TGFB3: variants seen among roughly 807,000 people sequenced by gnomAD.
TGFB3 encodes the protein transforming growth factor beta 3.
A neutral mutation model predicts 40.1 loss-of-function variants in TGFB3; 5 were observed. That is an observed-to-expected ratio of 0.12 (90% CI 0.07 to 0.26). The LOEUF (loss-of-function observed/expected upper bound fraction) is 0.26, where lower values mean the gene tolerates loss of function less well. Among genes scored for constraint, TGFB3 ranks in the 10% least tolerant of loss-of-function variants. The pLI is 1.00. For missense variants in TGFB3, 373 were observed against 530.1 expected (o/e 0.70, Z 2.91); for synonymous variants, 184 against 205.6 (o/e 0.89, Z 0.90).
chr14:75,967,289 C>A (rs912957483), intron 3 of TGFB3, among the ~76,000 whole-genome samples: 2 of 152,200 alleles, frequency 1.3e-5, no homozygotes, highest in Non-Finnish European at 2.9e-5. Flanking sequence ...AGGCACACTG[C>A]GCCTGCTGAG....
chr14:75,976,788 G>A (rs539244030), intron 1 of TGFB3, among the ~76,000 whole-genome samples: 62 of 152,208 alleles, frequency 4.1e-4, no homozygotes, highest in African/African-American at 1.4e-3. Context: ...TTATCATGAC[G>A]CCGTGGCTTT....
chr14:75,973,524 G>A (rs2035318147), intron 1 of TGFB3, among the ~76,000 whole-genome samples: 1 of 152,252 alleles, frequency 6.6e-6, no homozygotes, highest in Non-Finnish European at 1.5e-5. Context: ...TAAGTAATGT[G>A]TAAGTTTACA....
chr14:75,967,610 G>A (rs188522819), intron 3 of TGFB3, among the ~76,000 whole-genome samples: 40 of 152,338 alleles, frequency 2.6e-4, no homozygotes, highest in African/African-American at 8.7e-4. Flanking sequence ...GGTCCAGGAT[G>A]TAAGCACAAG....
chr14:75,973,459 C>T (rs1251552272), intron 1 of TGFB3, among the ~76,000 whole-genome samples: 1 of 152,220 alleles, frequency 6.6e-6, no homozygotes, highest in East Asian at 1.9e-4. Flanking sequence ...ACAGATACTG[C>T]CAACGATTCC....
At chr14:75,977,046 G>T (rs1004680307) in intron 1 of TGFB3, among the ~76,000 whole-genome samples, 1 of 152,228 alleles carries the variant, frequency 6.6e-6, no homozygotes. Context: ...TTGGAGAAGT[G>T]CTGACCTCTA....
At chr14:75,959,404 G>C in intron 6 of TGFB3, 59 bp from the exon 7 acceptor site, 2 of 1,607,612 alleles carry the variant, frequency 1.2e-6, no homozygotes, top group Admixed American at 1.7e-5. Flanking sequence ...TGGAACCCAG[G>C]AAGTCGCCCA....
intron 6 of TGFB3, chr14:75,960,269 A>G (rs1410735580): frequency 6.5e-6 from 1 of 152,886 alleles, no homozygotes; most frequent in Admixed American, 6.5e-5. Flanking sequence ...AAACACTTAC[A>G]TTGCTCTTCC....
At position 75,959,080 on chromosome 14, in the gene TGFB3, G is replaced by T; in HGVS notation, c.*107C>A. 7.0e-7 allele frequency: 1 copy of T among 1,434,320 alleles called. No individual in the cohort carries two copies. The highest frequency in any genetic ancestry group is 9.8e-7 in the Non-Finnish European group (1 of 1,019,518). The allele number at this position is 1,434,320 out of a possible 1,614,324, so 88.8% of individuals were successfully genotyped here. A position where few individuals can be genotyped will look rare whatever the true frequency, so the allele number is the denominator to read the frequency against. ...AGCCATTTGCCCGGAGCCGAAGGTT[G>T]TGGGCTCCAGGCCTCTCAGTGAGGT... On this transcript the variant is annotated 3_prime_UTR_variant, in exon 7 of 7. Coordinates refer to ENST00000238682, the MANE Select transcript of TGFB3 (RefSeq NM_003239.5).
At chr14:75,970,289 G>A (rs1181895453) in intron 3 of TGFB3, among the ~76,000 whole-genome samples, 1 of 152,150 alleles carries the variant, frequency 6.6e-6, no homozygotes, top group African/African-American at 2.4e-5. Context: ...TGGGCATGCT[G>A]GCTCACATCT....
intron 1 of TGFB3, among the ~76,000 whole-genome samples, chr14:75,975,264 A>G (rs973060868): frequency 1.3e-5 from 2 of 152,154 alleles, no homozygotes; most frequent in African/African-American, 4.8e-5. Context: ...GCTACTCGGG[A>G]GGCTGAGGCA....
intron 1 of TGFB3, among the ~76,000 whole-genome samples, chr14:75,972,166 T>C (rs1395661022): frequency 6.6e-6 from 1 of 152,222 alleles, no homozygotes; most frequent in East Asian, 1.9e-4. Flanking sequence ...GCAGCTACTA[T>C]ATGCCAAGCA....
chr14:75,972,331 T>C (rs1330216892), intron 1 of TGFB3, among the ~76,000 whole-genome samples: 1 of 152,184 alleles, frequency 6.6e-6, no homozygotes, highest in Non-Finnish European at 1.5e-5. Context: ...AGGTCTGATT[T>C]CAAAATTCAA....
chr14:75,975,879 A>C (rs1006794166), intron 1 of TGFB3, among the ~76,000 whole-genome samples: 4 of 152,224 alleles, frequency 2.6e-5, no homozygotes, highest in African/African-American at 9.6e-5. Flanking sequence ...TGTGGTTCTT[A>C]AGCCATGCCT....
At position 75,971,383 on chromosome 14, in the gene TGFB3, A is replaced by G. The variant is rs2035289870; in HGVS notation, c.517-128T>C. 2 of 1,522,352 alleles carry G rather than the reference A, an allele frequency of 1.3e-6. No individual in the cohort carries two copies. Among genetic ancestry groups the G allele is most frequent in the Non-Finnish European group, 1.8e-6 (2 of 1,113,966 alleles). The allele number at this position is 1,522,352 out of a possible 1,614,324, so 94.3% of individuals were successfully genotyped here. On this transcript the variant is annotated intron_variant, in intron 2 of 6. Coordinates refer to ENST00000238682, the MANE Select transcript of TGFB3 (RefSeq NM_003239.5). The surrounding 1 kb of genome is among the most constrained non-coding windows in gnomAD (Gnocchi z 4.5). ...TTCCTGAATGCCATGGCCCTCGAGC[A>G]CCTTAGCTAACTCTTAAGTGTTTTA...
Position 75,971,370 on chromosome 14 carries a change from A to G in TGFB3, c.517-115T>C, listed in dbSNP as rs2035289702. On this transcript the variant is annotated intron_variant, in intron 2 of 6. Transcript: ENST00000238682. This position sits in a 1 kb window ranked among gnomAD's most constrained non-coding sequence, Gnocchi z 4.5. ...AGGAAACCAGTGGTTCCTGAATGCC[A>G]TGGCCCTCGAGCACCTTAGCTAACT... The G allele has an allele frequency of 6.4e-7, 1 of 1,557,370 alleles. No individual in the cohort carries two copies. Among genetic ancestry groups the G allele is most frequent in the Non-Finnish European group, 8.8e-7 (1 of 1,140,260 alleles).
chr14:75,971,812 G>A lies in TGFB3; in HGVS notation c.353-94C>T, dbSNP rs1004408837. ...ACAGGCACCAAGTGGCCACCGTCCCGCCTGCCACCTCCCTAGAGGCTTGAG... is the reference window on the plus strand; with the variant it reads ...ACAGGCACCAAGTGGCCACCGTCCCACCTGCCACCTCCCTAGAGGCTTGAG... On this transcript the variant is annotated intron_variant, in intron 1 of 6. Coordinates refer to ENST00000238682, the MANE Select transcript of TGFB3 (RefSeq NM_003239.5). This position sits in a 1 kb window ranked among gnomAD's most constrained non-coding sequence, Gnocchi z 4.5. 40 of 1,414,378 alleles carry A rather than the reference G, an allele frequency of 2.8e-5. No individual in the cohort carries two copies. Among genetic ancestry groups the A allele is most frequent in the Non-Finnish European group, 3.4e-5 (35 of 1,016,826 alleles). 87.6% of individuals were successfully genotyped at this position (1,414,378 alleles called of 1,614,324 possible).
At chr14:75,964,254 C>G (rs145048633) in intron 4 of TGFB3, among the ~76,000 whole-genome samples, 1 of 152,064 alleles carries the variant, frequency 6.6e-6, no homozygotes, top group African/African-American at 2.4e-5. Flanking sequence ...ACCAAGATAA[C>G]GCAGAAGTCC....
In TGFB3 at chr14:75,974,764, C is replaced by CAAA. The variant is rs763057157; in HGVS notation, c.353-3049_353-3047dup. ...TGGGCAACAGAGTGAGACTCCATCT[C>CAAA]AAAAAAAAAAAAAAAAAGAAGAAGA... On this transcript the variant is annotated intron_variant, in intron 1 of 6. Transcript: ENST00000238682. 5.0e-4 allele frequency among the ~76,000 whole-genome samples: 55 copies of CAAA among 110,754 alleles called. No individual in the cohort carries two copies. The South Asian group carries it at 6.0e-3, about 12-fold the overall frequency. 72.7% of individuals were successfully genotyped at this position (110,754 alleles called of 152,430 possible). A position where few individuals can be genotyped will look rare whatever the true frequency, so the allele number is the denominator to read the frequency against.
In TGFB3 at chr14:75,971,275, G is replaced by A. The variant is rs1293631328; in HGVS notation, c.517-20C>T. On this transcript the variant is annotated intron_variant, in intron 2 of 6. Coordinates refer to ENST00000238682, the MANE Select transcript of TGFB3 (RefSeq NM_003239.5). This position sits in a 1 kb window ranked among gnomAD's most constrained non-coding sequence, Gnocchi z 4.5. ...AAGGATCTACAGGGCAGAGAAAGGA[G>A]TGAGTACCCGAGACCAGGACAGAGT... 1.2e-6 allele frequency: 2 copies of A among 1,613,960 alleles called. No homozygotes were observed. Among genetic ancestry groups the A allele is most frequent in the African/African-American group, 2.7e-5 (2 of 74,942 alleles).
Sources: gnomAD v4.1 joint callset for allele counts (sites outside exome capture counted in the v4.1 genomes callset) on GRCh38, gnomAD v4.1.1 for gene constraint, Gnocchi (gnomAD v3.1) non-coding constraint, MANE v1.5 for transcripts, NCBI Gene and HGNC (gene_info 2026-07-23, HGNC 2026-07-21) for gene names.